Variants in CNTN4 observed in about 807,000 individuals in gnomAD.
CNTN4 encodes contactin-4.
A neutral mutation model predicts 122.5 loss-of-function variants in CNTN4; 77 were observed. The observed-to-expected ratio is 0.63, with a 90% confidence interval of 0.52 to 0.76. The LOEUF (loss-of-function observed/expected upper bound fraction) is 0.76, where lower values mean the gene tolerates loss of function less well. CNTN4 is among the 30% of genes least tolerant of loss of function. The pLI is 0.00. For synonymous variants in CNTN4, 512 were observed against 447.0 expected (o/e 1.15, Z -1.83); for missense variants, 1,256 against 1,259.1 (o/e 1.00, Z 0.04).
intron 5 of CNTN4, among the ~76,000 whole-genome samples, chr3:2,741,657 G>A (rs1328164489): frequency 6.6e-6 from 1 of 152,170 alleles, no homozygotes; most frequent in Non-Finnish European, 1.5e-5. Context: ...GGAAGCAACG[G>A]CTGTTAGGTA....
chr3:2,660,113 A>G (rs944550721), intron 4 of CNTN4, among the ~76,000 whole-genome samples: 6 of 152,172 alleles, frequency 3.9e-5, no homozygotes, highest in Non-Finnish European at 7.3e-5. Flanking sequence ...TGAATAATCT[A>G]TGTGAGGAGT....
In CNTN4 at chr3:3,034,760, T is replaced by C; in HGVS notation, c.1912T>C (p.Phe638Leu). The C allele has an allele frequency of 6.2e-7, 1 of 1,614,076 alleles. No individual in the cohort carries two copies. Among genetic ancestry groups the C allele is most frequent in the Middle Eastern group, 1.6e-4 (1 of 6,062 alleles). ...TMYVIQARTP[F>L]SVGWQAVSTV... The stretch of plus-strand genomic sequence containing the variant: ...GTATGTCATTCAAGCCAGGACTCCA[T>C]TCTCCGTGGGCTGGCAAGCAGTCAG... The change falls in exon 17 of 25, where the codon TTC becomes CTC. Residue 638 changes from phenylalanine to leucine, a missense_variant. Physicochemically the swap from Phe to Leu is conservative, Grantham distance 22. Transcript: ENST00000418658.
intron 3 of CNTN4, among the ~76,000 whole-genome samples, chr3:2,466,471 A>G (rs1028666189): frequency 3.3e-5 from 5 of 152,202 alleles, no homozygotes; most frequent in African/African-American, 7.2e-5. Context: ...TTTCAAAATA[A>G]AAGAAATTTT....
intron 10 of CNTN4, among the ~76,000 whole-genome samples, chr3:2,895,857 A>G (rs964333801): frequency 5.9e-5 from 9 of 151,996 alleles, no homozygotes; most frequent in South Asian, 2.1e-4. Context: ...ACAGGGTGAA[A>G]CCCCGTCTCT....
At chr3:2,642,896 C>T (rs1183537745) in intron 4 of CNTN4, among the ~76,000 whole-genome samples, 2 of 152,184 alleles carry the variant, frequency 1.3e-5, no homozygotes, top group African/African-American at 4.8e-5. Context: ...AATCTACCAA[C>T]AGATAGGCTG....
In CNTN4 at chr3:2,324,412, C is replaced by T. The variant is rs139853369; in HGVS notation, c.-144-14766C>T. On this transcript the variant is annotated intron_variant, in intron 2 of 24. Coordinates refer to ENST00000418658, the MANE Select transcript of CNTN4 (RefSeq NM_175607.3). ...AGTATGAAGTTTATGAGTTATAACA[C>T]TGTCGTCAGAGTTATACCTTTATCC... is the stretch of plus-strand genomic sequence containing the variant. Among the ~76,000 whole-genome samples, 408 of 152,234 alleles carry T rather than the reference C, an allele frequency of 2.7e-3. 2 individuals are homozygous for T. Among genetic ancestry groups the T allele is most frequent in the African/African-American group, 9.3e-3 (388 of 41,520 alleles).
chr3:2,917,335 A>AGAGGGAGACGGAGACGGC (rs2094378915), intron 12 of CNTN4, among the ~76,000 whole-genome samples: 1 of 129,396 alleles, frequency 7.7e-6, no homozygotes, highest in African/African-American at 3.2e-5. Context: ...GGAAAGCGGA[A>AGAGGGAGACGGAGACGGC]TAGGGAGAGG....
chr3:2,122,429 T>C (rs1001052705), intron 2 of CNTN4, among the ~76,000 whole-genome samples: 3 of 152,220 alleles, frequency 2.0e-5, no homozygotes, highest in Non-Finnish European at 4.4e-5. Context: ...AGATGAATCT[T>C]AGATGTCAGT....
chr3:2,352,751 C>T (rs1375729809), intron 3 of CNTN4, among the ~76,000 whole-genome samples: 1 of 152,356 alleles, frequency 6.6e-6, no homozygotes, highest in Non-Finnish European at 1.5e-5. Context: ...CATCAACCGC[C>T]CAAGGGCTGA....
chr3:3,042,175 C>A, intron 20 of CNTN4, 135 bp from the exon 21 acceptor site: 2 of 721,158 alleles, frequency 2.8e-6, no homozygotes, highest in Non-Finnish European at 4.9e-6. Context: ...TGCCCCTCTG[C>A]AAAATGAGGG....
intron 4 of CNTN4, among the ~76,000 whole-genome samples, chr3:2,720,161 A>T (rs949168088): frequency 6.6e-6 from 1 of 152,094 alleles, no homozygotes; most frequent in Non-Finnish European, 1.5e-5. Flanking sequence ...ATTATAGGGA[A>T]TTTTTTGTTG....
intron 4 of CNTN4, among the ~76,000 whole-genome samples, chr3:2,594,971 T>C (rs1259472791): frequency 6.6e-6 from 1 of 152,222 alleles, no homozygotes; most frequent in Non-Finnish European, 1.5e-5. Context: ...TTAAAAGAAG[T>C]AACATTGGTC....
chr3:2,620,813 AC>A (rs2081961955), intron 4 of CNTN4, among the ~76,000 whole-genome samples: 1 of 152,146 alleles, frequency 6.6e-6, no homozygotes, highest in Non-Finnish European at 1.5e-5. Flanking sequence ...TTCCTTTGAC[AC>A]AAAGCACTCT....
chr3:2,694,848 G>A (rs1046824249), intron 4 of CNTN4, among the ~76,000 whole-genome samples: 2 of 152,166 alleles, frequency 1.3e-5, no homozygotes, highest in Non-Finnish European at 2.9e-5. Context: ...AGAACATGTA[G>A]TTTGAGGAGT....
intron 2 of CNTN4, among the ~76,000 whole-genome samples, chr3:2,314,643 G>T (rs2150161874): frequency 6.6e-6 from 1 of 151,894 alleles, no homozygotes; most frequent in African/African-American, 2.4e-5. Flanking sequence ...TGGGGATAAG[G>T]TGAGCCTTTC....
rs373163297 is a variant in CNTN4, at chr3:2,745,644, C to T, written c.305C>T (p.Ala102Val). 45 of 1,613,912 alleles carry T rather than the reference C, an allele frequency of 2.8e-5. No homozygotes were observed. In the Admixed American group the frequency reaches 3.0e-4, roughly 11 times the overall value. ...TQDAGTYQCTATNSFGTIVSR... is the reference protein window; with the variant it reads ...TQDAGTYQCTVTNSFGTIVSR... Reference sequence around the variant, plus strand: ...GATGCTGGAACGTACCAGTGCACAGCGACAAACTCGTTTGGAACAATTGTT... The same window carrying T: ...GATGCTGGAACGTACCAGTGCACAGTGACAAACTCGTTTGGAACAATTGTT... The change falls in exon 6 of 25, where the codon GCG becomes GTG. Residue 102 changes from alanine (A) to valine (V), a missense_variant. By Grantham distance (64) the Ala-to-Val change is moderately conservative. Transcript: ENST00000418658.
intron 4 of CNTN4, among the ~76,000 whole-genome samples, chr3:2,694,164 A>G (rs1000125023): frequency 1.3e-5 from 2 of 152,092 alleles, no homozygotes; most frequent in African/African-American, 4.8e-5. Context: ...TCATCTGCCA[A>G]GTCTTTCCCC....
At chr3:2,836,757 A>C (rs963200428) in intron 7 of CNTN4, among the ~76,000 whole-genome samples, 6 of 133,958 alleles carry the variant, frequency 4.5e-5, no homozygotes, top group Non-Finnish European at 7.8e-5. Context: ...AAGAGTAAAA[A>C]GATACTTCTG....
At chr3:2,173,931 A>T (rs1460476303) in intron 2 of CNTN4, among the ~76,000 whole-genome samples, 1 of 152,180 alleles carries the variant, frequency 6.6e-6, no homozygotes, top group Non-Finnish European at 1.5e-5. Flanking sequence ...TGTTGTTGCT[A>T]TTATCGTTGT....
Sources: gnomAD v4.1 joint callset for allele counts (sites outside exome capture counted in the v4.1 genomes callset) on GRCh38, gnomAD v4.1.1 for gene constraint, MANE v1.5 for transcripts, NCBI Gene and HGNC (gene_info 2026-07-23, HGNC 2026-07-21) for gene names.